Variants in NAV1 observed in about 807,000 individuals in gnomAD.
NAV1 encodes neuron navigator 1.
NAV1 carries 18 observed loss-of-function variants against 175.2 expected under a neutral mutation model. The ratio of observed to expected loss-of-function variants is 0.10; its 90% CI spans 0.07 to 0.15. NAV1 has a LOEUF of 0.15. NAV1 is among the 10% of genes least tolerant of loss of function. The pLI is 1.00. For synonymous variants in NAV1, 897 were observed against 978.7 expected (o/e 0.92, Z 1.56); for missense variants, 1,731 against 2,436.6 (o/e 0.71, Z 6.10).
chr1:201,818,118 T>C (rs949949981), intron 29 of NAV1, among the ~76,000 whole-genome samples: 1 of 152,012 alleles, frequency 6.6e-6, no homozygotes, highest in African/African-American at 2.4e-5. Context: ...CAGTCACAAC[T>C]ACTCAGGAGG....
chr1:201,582,026 G>A (rs1666882948), intron 1 of NAV1, among the ~76,000 whole-genome samples: 1 of 152,196 alleles, frequency 6.6e-6, no homozygotes, highest in Non-Finnish European at 1.5e-5. Context: ...AACCTGGGAG[G>A]CGGAGCTTGC....
intron 1 of NAV1, among the ~76,000 whole-genome samples, chr1:201,561,433 G>A (rs1298006301): frequency 2.0e-5 from 3 of 152,130 alleles, no homozygotes; most frequent in African/African-American, 7.3e-5. Flanking sequence ...TCCTGATTCT[G>A]TTACTTACTT....
intron 7 of NAV1, among the ~76,000 whole-genome samples, chr1:201,784,138 G>A (rs1034776203): frequency 6.6e-6 from 1 of 152,090 alleles, no homozygotes; most frequent in Non-Finnish European, 1.5e-5. Flanking sequence ...CAGAGCTTTT[G>A]CTTCCTAGTC....
intron 29 of NAV1, among the ~76,000 whole-genome samples, chr1:201,817,778 C>T (rs1007457373): frequency 5.3e-5 from 8 of 152,116 alleles, no homozygotes; most frequent in East Asian, 1.9e-4. Context: ...TCTCCTCTGA[C>T]GCTATCCTGA....
intron 13 of NAV1, chr1:201,791,199 C>A (rs79076268): frequency 0.016 from 2,773 of 168,636 alleles, 81 homozygotes; most frequent in African/African-American, 0.063. Context: ...TGTGCAGGCA[C>A]ATGATTGGTC....
intron 1 of NAV1, among the ~76,000 whole-genome samples, chr1:201,699,941 C>A (rs957040379): frequency 6.6e-6 from 1 of 152,168 alleles, no homozygotes; most frequent in Non-Finnish European, 1.5e-5. Flanking sequence ...AAAATTAATT[C>A]AAGATGGATT....
chr1:201,817,250 G>A, exon 29 of NAV1: 1 of 1,614,138 alleles, frequency 6.2e-7, no homozygotes, highest in Non-Finnish European at 8.5e-7. Context: ...GACAGTCAAA[G>A]ACAGCACCCC....
chr1:201,669,411 G>A (rs755617064), intron 1 of NAV1, among the ~76,000 whole-genome samples: 4 of 152,176 alleles, frequency 2.6e-5, no homozygotes, highest in Non-Finnish European at 5.9e-5. Context: ...GAGGTCCGAG[G>A]AGGCTCAAGT....
intron 1 of NAV1, among the ~76,000 whole-genome samples, chr1:201,679,599 C>T (rs1282237636): frequency 1.3e-5 from 2 of 152,210 alleles, no homozygotes; most frequent in Non-Finnish European, 2.9e-5. Flanking sequence ...AGATACTTCA[C>T]GTGTCTTAAG....
chr1:201,670,273 G>A (rs1421212010), intron 1 of NAV1, among the ~76,000 whole-genome samples: 5 of 150,422 alleles, frequency 3.3e-5, no homozygotes, highest in Non-Finnish European at 5.9e-5. Context: ...CCAGTAACTC[G>A]GAGAGGCTGA....
chr1:201,722,473 T>C (rs1178983541), intron 3 of NAV1, among the ~76,000 whole-genome samples: 2 of 152,374 alleles, frequency 1.3e-5, no homozygotes, highest in East Asian at 3.9e-4. Context: ...TATTCTGTTG[T>C]AGGTATACGC....
chr1:201,549,478 G>A (rs1182809856), intron 1 of NAV1, among the ~76,000 whole-genome samples: 1 of 152,148 alleles, frequency 6.6e-6, no homozygotes, highest in Non-Finnish European at 1.5e-5. Flanking sequence ...CAAAGTTCTG[G>A]GATTACAGGC....
intron 1 of NAV1, among the ~76,000 whole-genome samples, chr1:201,625,717 G>C (rs1210390064): frequency 6.6e-6 from 1 of 152,154 alleles, no homozygotes; most frequent in African/African-American, 2.4e-5. Context: ...TCTCCTACCT[G>C]ATTCCCTTCA....
intron 1 of NAV1, among the ~76,000 whole-genome samples, chr1:201,545,006 C>A (rs1665627707): frequency 6.6e-6 from 1 of 152,204 alleles, no homozygotes; most frequent in African/African-American, 2.4e-5. Flanking sequence ...GAAATATTGG[C>A]AATTGAAATT....
At chr1:201,601,863 T>C (rs1667522516) in intron 2 of NAV1, among the ~76,000 whole-genome samples, 1 of 151,372 alleles carries the variant, frequency 6.6e-6, no homozygotes, top group Admixed American at 6.6e-5. Flanking sequence ...AGCAGGAGAG[T>C]CCCCTAGCCC....
In NAV1 at chr1:201,788,706, C is replaced by G. The variant is rs552101083; in HGVS notation, c.3166+68C>G. ...GCTGGGTCCCCTCACCCACCACCTC[C>G]ACTCCCACCACTCCTACCACCACAC... is the stretch of plus-strand genomic sequence containing the variant. On this transcript the variant is annotated intron_variant, in intron 10 of 29. Transcript: ENST00000367296. The surrounding 1 kb of genome is among the most constrained non-coding windows in gnomAD (Gnocchi z 5.7). 10 of 1,434,770 alleles carry G rather than the reference C, an allele frequency of 7.0e-6. No homozygotes were observed. In the African/African-American group the frequency reaches 1.4e-4, roughly 20 times the overall value. 88.9% of individuals were successfully genotyped at this position (1,434,770 alleles called of 1,614,324 possible). A position where few individuals can be genotyped will look rare whatever the true frequency, so the allele number is the denominator to read the frequency against.
At chr1:201,582,084 A>G (rs1474773062) in intron 1 of NAV1, among the ~76,000 whole-genome samples, 1 of 152,178 alleles carries the variant, frequency 6.6e-6, no homozygotes, top group Non-Finnish European at 1.5e-5. Context: ...TGACAGAGTG[A>G]GACTCCGTCT....
chr1:201,577,653 C>G (rs1015390313), intron 1 of NAV1, among the ~76,000 whole-genome samples: 2 of 152,044 alleles, frequency 1.3e-5, no homozygotes, highest in African/African-American at 4.8e-5. Flanking sequence ...GGAGAACTTC[C>G]TTTAGCTATT....
intron 1 of NAV1, among the ~76,000 whole-genome samples, chr1:201,670,529 A>AGCAGTGATGGTG (rs911777552): frequency 1.3e-5 from 2 of 151,672 alleles, no homozygotes; most frequent in African/African-American, 4.9e-5. Context: ...CTGTGGCAGC[A>AGCAGTGATGGTG]GCAGTGATGG....
Sources: gnomAD v4.1 joint callset for allele counts (sites outside exome capture counted in the v4.1 genomes callset) on GRCh38, gnomAD v4.1.1 for gene constraint, Gnocchi (gnomAD v3.1) non-coding constraint, MANE v1.5 for transcripts, NCBI Gene and HGNC (gene_info 2026-07-23, HGNC 2026-07-21) for gene names.